The following CELSR1 variants were observed in gnomAD, a reference collection of about 807,000 sequenced individuals.
CELSR1 encodes the protein adhesion G protein-coupled receptor C1.
CELSR1 carries 110 observed loss-of-function variants against 249.1 expected under a neutral mutation model. That is an observed-to-expected ratio of 0.44 (90% CI 0.38 to 0.52). The LOEUF (loss-of-function observed/expected upper bound fraction) is 0.52. Ranked by LOEUF, CELSR1 falls within the 20% of genes least tolerant of loss-of-function variation. The probability of loss-of-function intolerance (pLI) is 0.00; values close to 1 mark genes in which losing one functional copy is unlikely to be tolerated. For synonymous variants in CELSR1, 2,113 were observed against 1,900.0 expected (o/e 1.11, Z -2.92); for missense variants, 4,109 against 4,296.4 (o/e 0.96, Z 1.22).
intron 1 of CELSR1, among the ~76,000 whole-genome samples, chr22:46,515,180 C>T (rs943059108): frequency 2.0e-5 from 3 of 152,194 alleles, no homozygotes; most frequent in South Asian, 2.1e-4. Flanking sequence ...CCATTCCACC[C>T]GTGCATCAGC....
In CELSR1 at chr22:46,402,603, T is replaced by C. The variant is rs1240596615; in HGVS notation, c.5227-2701A>G. ...TAGCCAAGTATACGAGGATATAAGG[T>C]AATATGCTTGAAAACCAAGAGAAGC... is the stretch of plus-strand genomic sequence containing the variant. On this transcript the variant is annotated intron_variant, in intron 9 of 34. Coordinates refer to ENST00000674500, the MANE Select transcript of CELSR1 (RefSeq NM_001378328.1). The surrounding 1 kb of genome is among the most constrained non-coding windows in gnomAD (Gnocchi z 5.0). Among the ~76,000 whole-genome samples, 2 of 152,100 alleles carry C rather than the reference T, an allele frequency of 1.3e-5. No individual in the cohort carries two copies. Among genetic ancestry groups the C allele is most frequent in the African/African-American group, 4.8e-5 (2 of 41,408 alleles).
At chr22:46,496,219 T>C (rs563142486) in intron 1 of CELSR1, among the ~76,000 whole-genome samples, 9 of 148,492 alleles carry the variant, frequency 6.1e-5, no homozygotes, top group Admixed American at 3.3e-4. Flanking sequence ...AAAAAAAAAA[T>C]TGACTCTTTT....
intron 2 of CELSR1, among the ~76,000 whole-genome samples, chr22:46,460,728 C>T (rs965266304): frequency 1.3e-5 from 2 of 152,166 alleles, no homozygotes; most frequent in Non-Finnish European, 1.5e-5. Flanking sequence ...TCGTCCCTTT[C>T]GGAGAATGGG....
intron 1 of CELSR1, among the ~76,000 whole-genome samples, chr22:46,487,773 G>T (rs903608454): frequency 7.0e-6 from 1 of 142,028 alleles, no homozygotes; most frequent in African/African-American, 2.6e-5. Context: ...AGGTATTGGG[G>T]AGGGGAGTCC....
intron 1 of CELSR1, among the ~76,000 whole-genome samples, chr22:46,474,511 A>G (rs1394041061): frequency 2.0e-5 from 3 of 152,106 alleles, no homozygotes; most frequent in Non-Finnish European, 4.4e-5. Flanking sequence ...ACCCCTAGAC[A>G]TTGTGTAAAA....
chr22:46,534,272 A>C lies in CELSR1; in HGVS notation c.2899T>G (p.Trp967Gly). 1 of 1,613,400 alleles carries C rather than the reference A, an allele frequency of 6.2e-7. No individual in the cohort carries two copies. The highest frequency in any genetic ancestry group is 8.5e-7 in the Non-Finnish European group (1 of 1,180,014). The stretch of plus-strand genomic sequence containing the variant: ...CTGCCCCGATCCACAGCCAGAGCCC[A>C]AAGGTTGTACACGGCCACATTCTCC... ...DRENVAVYNL[W>G]ALAVDRGSPT... Residue 967 changes from tryptophan to glycine, a missense_variant, in exon 1 of 35, where the codon TGG becomes GGG. Trp to Gly is a radical substitution (Grantham distance 184). This residue lies in a region of CELSR1 where 886 missense variants were observed against 896.5 expected (regional missense o/e 0.99). Coordinates refer to ENST00000674500, the MANE Select transcript of CELSR1 (RefSeq NM_001378328.1). This position sits in a 1 kb window ranked among gnomAD's most constrained non-coding sequence, Gnocchi z 9.7.
At chr22:46,493,376 T>C (rs1169973085) in intron 1 of CELSR1, among the ~76,000 whole-genome samples, 1 of 151,774 alleles carries the variant, frequency 6.6e-6, no homozygotes, top group African/African-American at 2.4e-5. Context: ...TGAAAACCCA[T>C]CTCTACTAAA....
At chr22:46,462,581 C>G (rs1006469163) in intron 2 of CELSR1, among the ~76,000 whole-genome samples, 3 of 150,932 alleles carry the variant, frequency 2.0e-5, no homozygotes, top group East Asian at 1.9e-4. Context: ...AGGACACAGT[C>G]GATGGAAGAG....
At chr22:46,480,682 A>C (rs2080257357) in intron 1 of CELSR1, among the ~76,000 whole-genome samples, 1 of 152,212 alleles carries the variant, frequency 6.6e-6, no homozygotes, top group African/African-American at 2.4e-5. Flanking sequence ...GCCTGTTGGT[A>C]CCTGTGTAGT....
chr22:46,463,269 T>C (rs1402758751), intron 2 of CELSR1, among the ~76,000 whole-genome samples: 1 of 152,082 alleles, frequency 6.6e-6, no homozygotes, highest in Non-Finnish European at 1.5e-5. Context: ...TAATCCCTGC[T>C]CTCTGGGAGG....
rs1336036575 is a variant in CELSR1 at position 46,518,941 on chromosome 22, G to T, written c.3544+14686C>A. Among the ~76,000 whole-genome samples the T allele has an allele frequency of 6.6e-6, 1 of 152,050 alleles. No individual in the cohort carries two copies. On this transcript the variant is annotated intron_variant, in intron 1 of 34. Coordinates refer to ENST00000674500, the MANE Select transcript of CELSR1 (RefSeq NM_001378328.1). This position sits in a 1 kb window ranked among gnomAD's most constrained non-coding sequence, Gnocchi z 5.2. The stretch of plus-strand genomic sequence containing the variant: ...CCAGCTACTCGGGAGGCAGAGGCAG[G>T]AGAATCGCTTAAACCCAGGAGGCAA...
intron 2 of CELSR1, among the ~76,000 whole-genome samples, chr22:46,450,139 G>C (rs2079867048): frequency 6.6e-6 from 1 of 152,196 alleles, no homozygotes; most frequent in Non-Finnish European, 1.5e-5. Flanking sequence ...CTCAGCAATG[G>C]GTCATGCACA....
rs2079929155 is a variant in CELSR1 at position 46,454,903 on chromosome 22, C to A, written c.4183+8804G>T. Among the ~76,000 whole-genome samples the A allele has an allele frequency of 6.6e-6, 1 of 152,224 alleles. No homozygotes were observed. Among genetic ancestry groups the A allele is most frequent in the Non-Finnish European group, 1.5e-5 (1 of 68,038 alleles). ...TACGCTCAGTTACGAACTCCCAGTA[C>A]CCTTGAAAGTGACCTTGTTTGGAAA... On this transcript the variant is annotated intron_variant, in intron 2 of 34. Coordinates refer to ENST00000674500, the MANE Select transcript of CELSR1 (RefSeq NM_001378328.1). The surrounding 1 kb of genome is among the most constrained non-coding windows in gnomAD (Gnocchi z 5.1).
intron 1 of CELSR1, among the ~76,000 whole-genome samples, chr22:46,503,899 C>A (rs1264751428): frequency 3.3e-5 from 5 of 151,960 alleles, no homozygotes; most frequent in African/African-American, 1.2e-4. Context: ...CCAGGTGTGG[C>A]GATGTGCATC....
rs780537537 is a variant in CELSR1, at chr22:46,448,472, T to G, written c.4184-9061A>C. ...ACCTGGGGGAGGGCTGGGAACGCGC[T>G]GGGAACGTGCCCCAGGAGGGGAAGG... On this transcript the variant is annotated intron_variant, in intron 2 of 34. Coordinates refer to ENST00000674500, the MANE Select transcript of CELSR1 (RefSeq NM_001378328.1). This position sits in a 1 kb window ranked among gnomAD's most constrained non-coding sequence, Gnocchi z 5.7. The G allele has an allele frequency of 5.4e-6, 2 of 368,402 alleles. No homozygotes were observed. Among genetic ancestry groups the G allele is most frequent in the Non-Finnish European group, 1.1e-5 (2 of 186,786 alleles). 22.8% of individuals were successfully genotyped at this position (368,402 alleles called of 1,614,324 possible).
Position 46,471,858 on chromosome 22 carries a change from G to T in CELSR1, c.3545-7513C>A, listed in dbSNP as rs1195057589. ...CGTGGTGGCTTCCAGCCTTCCCTGG[G>T]TCTGGGACCTGTACAGTTTTCAGGG... On this transcript the variant is annotated intron_variant, in intron 1 of 34. Transcript: ENST00000674500. This position sits in a 1 kb window ranked among gnomAD's most constrained non-coding sequence, Gnocchi z 4.9. 6.6e-6 allele frequency among the ~76,000 whole-genome samples: 1 copy of T among 152,180 alleles called. No individual in the cohort carries two copies. The highest frequency in any genetic ancestry group is 2.4e-5 in the African/African-American group (1 of 41,444).
At chr22:46,451,536 G>A (rs2147522106) in intron 2 of CELSR1, among the ~76,000 whole-genome samples, 1 of 152,316 alleles carries the variant, frequency 6.6e-6, no homozygotes, top group South Asian at 2.1e-4. Flanking sequence ...GTGCATGTTT[G>A]ACCGTCTTCT....
chr22:46,375,882 A>AT (rs1277063214), intron 24 of CELSR1, among the ~76,000 whole-genome samples: 2 of 152,150 alleles, frequency 1.3e-5, no homozygotes, highest in Admixed American at 6.5e-5. Flanking sequence ...ACTATTTTAG[A>AT]TTTTTTCTAT....
In CELSR1 at chr22:46,363,078, A is replaced by G. The variant is rs2078723328; in HGVS notation, c.*145T>C. The G allele has an allele frequency of 6.5e-7, 1 of 1,536,294 alleles. No individual in the cohort carries two copies. The highest frequency in any genetic ancestry group is 1.4e-5 in the African/African-American group (1 of 72,970). On this transcript the variant is annotated 3_prime_UTR_variant, in exon 35 of 35. Transcript: ENST00000674500. The surrounding 1 kb of genome is among the most constrained non-coding windows in gnomAD (Gnocchi z 4.3). ...CAGTCGGGGGGCTGCCACCATGGGG[A>G]CCGCCACACTCTGGGCCCACTCCAC...
Sources: allele counts gnomAD v4.1 joint callset (sites outside exome capture counted in the v4.1 genomes callset), GRCh38; gene constraint gnomAD v4.1.1; regional missense constraint gnomAD v4.1.1; non-coding constraint Gnocchi (gnomAD v3.1); transcripts MANE v1.5; gene names NCBI Gene and HGNC (gene_info 2026-07-23, HGNC 2026-07-21).